Variants in PTPRO observed in about 807,000 individuals in gnomAD.
PTPRO encodes the protein receptor-type tyrosine-protein phosphatase O.
Under a neutral mutation model 145.2 loss-of-function variants are expected in PTPRO, and 62 were observed. The observed-to-expected ratio is 0.43, with a 90% CI of 0.35 to 0.53. PTPRO has a LOEUF of 0.53. PTPRO is among the 20% of genes least tolerant of loss of function. The probability of loss-of-function intolerance (pLI) is 0.01; values close to 1 mark genes in which losing one functional copy is unlikely to be tolerated. For missense variants in PTPRO, 1,345 were observed against 1,482.7 expected (o/e 0.91, Z 1.53); for synonymous variants, 565 against 514.7 (o/e 1.10, Z -1.32).
rs1486581186 is a variant in PTPRO at position 15,484,586 on chromosome 12, G to GTTA, written c.349+339_349+340insTTA. On this transcript the variant is annotated intron_variant, in intron 2 of 26. Coordinates refer to ENST00000281171, the MANE Select transcript of PTPRO (RefSeq NM_030667.3). The stretch of plus-strand genomic sequence containing the variant: ...ATCATAACTTGTTTATTTTTTTCCA[G>GTTA]AGCATGTATTCTCATATTAAGCAAT... Among the ~76,000 whole-genome samples, 49 of 152,076 alleles carry GTTA rather than the reference G, an allele frequency of 3.2e-4. No individual in the cohort carries two copies. The Middle Eastern group carries it at 0.017, about 53-fold the overall frequency.
At chr12:15,416,256 T>C (rs1410730083) in intron 1 of PTPRO, among the ~76,000 whole-genome samples, 1 of 151,644 alleles carries the variant, frequency 6.6e-6, no homozygotes, top group Non-Finnish European at 1.5e-5. Flanking sequence ...TCAAGCCTAA[T>C]GTTTCCCACA....
intron 1 of PTPRO, among the ~76,000 whole-genome samples, chr12:15,439,166 C>G (rs1009002562): frequency 4.6e-5 from 7 of 152,154 alleles, no homozygotes; most frequent in Non-Finnish European, 8.8e-5. Context: ...AATTCTATAT[C>G]TCAACAAAGG....
chr12:15,374,372 G>C (rs1938618258), intron 1 of PTPRO, among the ~76,000 whole-genome samples: 1 of 151,864 alleles, frequency 6.6e-6, no homozygotes, highest in Admixed American at 6.6e-5. Flanking sequence ...CTGAAAATTA[G>C]CCAAATACAT....
chr12:15,360,741 ACACT>A (rs1310912392), intron 1 of PTPRO, among the ~76,000 whole-genome samples: 2 of 149,248 alleles, frequency 1.3e-5, no homozygotes, highest in African/African-American at 2.5e-5. Flanking sequence ...TAAAACACAC[ACACT>A]ATGTGTGTGT....
At chr12:15,419,753 AAAAT>A (rs1940084015) in intron 1 of PTPRO, among the ~76,000 whole-genome samples, 2 of 151,196 alleles carry the variant, frequency 1.3e-5, no homozygotes, top group Admixed American at 6.6e-5. Context: ...TTTCCCAGAG[AAAAT>A]AGAGGTAATC....
At chr12:15,460,046 T>A (rs11056502) in intron 1 of PTPRO, among the ~76,000 whole-genome samples, 46,937 of 152,114 alleles carry the variant, frequency 0.31, 8,147 homozygotes, top group East Asian at 0.44. Flanking sequence ...AGGCTTCACA[T>A]TGGATGGACA....
At chr12:15,523,970 T>C (rs1249236201) in intron 10 of PTPRO, among the ~76,000 whole-genome samples, 1 of 151,848 alleles carries the variant, frequency 6.6e-6, no homozygotes, top group East Asian at 2.0e-4. Context: ...CTGAATCTTC[T>C]AATTTTTTTG....
intron 1 of PTPRO, among the ~76,000 whole-genome samples, chr12:15,373,477 T>A (rs1938591548): frequency 6.6e-6 from 1 of 152,190 alleles, no homozygotes; most frequent in African/African-American, 2.4e-5. Context: ...TATGAATCTA[T>A]TATTAATTTC....
chr12:15,569,388 G>A (rs1281566731), intron 18 of PTPRO, 29 bp from the exon 19 acceptor site: 2 of 1,540,052 alleles, frequency 1.3e-6, no homozygotes, highest in African/African-American at 2.7e-5. Context: ...ATTTTAAAAT[G>A]TATGTATATT....
chr12:15,522,312 A>G (rs1021619681), intron 10 of PTPRO, among the ~76,000 whole-genome samples: 2 of 150,352 alleles, frequency 1.3e-5, no homozygotes, highest in African/African-American at 2.5e-5. Flanking sequence ...AGTTTGTTAC[A>G]TAGGTATACA....
chr12:15,354,151 TC>T (rs1359454966), intron 1 of PTPRO, among the ~76,000 whole-genome samples: 12 of 152,222 alleles, frequency 7.9e-5, no homozygotes. Flanking sequence ...GTTAAATTTT[TC>T]TACACAAATT....
At chr12:15,460,426 G>C (rs746320712) in intron 1 of PTPRO, among the ~76,000 whole-genome samples, 2 of 152,106 alleles carry the variant, frequency 1.3e-5, no homozygotes, top group African/African-American at 2.4e-5. Flanking sequence ...TAGTATGTTT[G>C]TGACTAAATG....
intron 1 of PTPRO, among the ~76,000 whole-genome samples, chr12:15,469,880 C>T (rs987980715): frequency 1.8e-4 from 27 of 151,872 alleles, no homozygotes; most frequent in Admixed American, 5.2e-4. Flanking sequence ...TTTGGAGGAT[C>T]TCCTAAATAT....
chr12:15,334,212 T>C (rs561270810), intron 1 of PTPRO, among the ~76,000 whole-genome samples: 1 of 152,226 alleles, frequency 6.6e-6, no homozygotes, highest in Non-Finnish European at 1.5e-5. Context: ...GAAATTTTAT[T>C]GTTTATTTTT....
At chr12:15,578,719 G>A (rs1190617211) in intron 19 of PTPRO, 134 bp from the exon 20 acceptor site, 1 of 716,396 alleles carries the variant, frequency 1.4e-6, no homozygotes, top group East Asian at 2.7e-5. Context: ...ATAGTGGGGT[G>A]GAGTACCTTC....
chr12:15,591,918 AAAAT>A (rs1265765142), intron 25 of PTPRO, among the ~76,000 whole-genome samples: 2 of 152,080 alleles, frequency 1.3e-5, no homozygotes, highest in South Asian at 2.1e-4. Context: ...AATTAAATAA[AAAAT>A]AAAGTGCAGT....
At chr12:15,536,600 G>A (rs1228323170) in intron 12 of PTPRO, among the ~76,000 whole-genome samples, 1 of 152,188 alleles carries the variant, frequency 6.6e-6, no homozygotes, top group Admixed American at 6.5e-5. Context: ...TCCATTGCAT[G>A]CTTTAAGCAG....
intron 1 of PTPRO, among the ~76,000 whole-genome samples, chr12:15,406,205 A>G (rs1939643019): frequency 6.6e-6 from 1 of 152,172 alleles, no homozygotes; most frequent in Non-Finnish European, 1.5e-5. Context: ...TGTAATTACC[A>G]CAATTACACA....
At chr12:15,393,213 A>G (rs529937573) in intron 1 of PTPRO, among the ~76,000 whole-genome samples, 1 of 152,246 alleles carries the variant, frequency 6.6e-6, no homozygotes, top group South Asian at 2.1e-4. Context: ...TAAAACTAAC[A>G]TGAAAAAAAA....
Sources: gnomAD v4.1 joint callset for allele counts (sites outside exome capture counted in the v4.1 genomes callset) on GRCh38, gnomAD v4.1.1 for gene constraint, MANE v1.5 for transcripts, NCBI Gene and HGNC (gene_info 2026-07-23, HGNC 2026-07-21) for gene names.